The following TRHDE variants were observed in gnomAD, a reference collection of about 807,000 sequenced individuals.
TRHDE encodes the protein thyrotropin releasing hormone degrading enzyme, also known as thyrotropin-releasing hormone-degrading ectoenzyme.
TRHDE carries 72 observed loss-of-function variants against 125.7 expected under a neutral mutation model. That is an observed-to-expected ratio of 0.57 (90% confidence interval 0.47 to 0.70). The LOEUF (loss-of-function observed/expected upper bound fraction) is 0.70. Ranked by LOEUF, TRHDE falls within the 30% of genes least tolerant of loss-of-function variation. The probability of loss-of-function intolerance (pLI) is 0.00; values close to 1 mark genes in which losing one functional copy is unlikely to be tolerated. For missense variants in TRHDE, 1,110 were observed against 1,327.1 expected, an observed-to-expected ratio of 0.84 and a Z score of 2.54; for synonymous variants, 509 against 509.1, an observed-to-expected ratio of 1.00 and a Z score of 0.00.
At chr12:72,616,047 AAAG>A (rs1367315049) in intron 12 of TRHDE, among the ~76,000 whole-genome samples, 10 of 152,174 alleles carry the variant, frequency 6.6e-5, no homozygotes, top group Non-Finnish European at 1.0e-4. Context: ...TAGTTCATTC[AAAG>A]AAGAAGAGAA....
chr12:72,165,128 C>T (rs1401890045), intron 2 of TRHDE, among the ~76,000 whole-genome samples: 3 of 152,190 alleles, frequency 2.0e-5, no homozygotes. Context: ...CCACCAATTC[C>T]CAGATCTGTC....
intron 15 of TRHDE, among the ~76,000 whole-genome samples, chr12:72,632,729 A>T (rs1873548165): frequency 7.6e-6 from 1 of 131,310 alleles, no homozygotes; most frequent in South Asian, 2.2e-4. Flanking sequence ...TTAACATTGG[A>T]CCAAAAAAAA....
intron 2 of TRHDE, among the ~76,000 whole-genome samples, chr12:72,206,834 TATATA>T (rs1877677454): frequency 6.6e-6 from 1 of 151,962 alleles, no homozygotes; most frequent in East Asian, 1.9e-4. Context: ...TAAATACTTA[TATATA>T]ATATGTTTAT....
At position 72,219,826 on chromosome 12, in the gene TRHDE, A is replaced by C. The variant is rs370560162; in HGVS notation, n.279+114074A>C. On this transcript the variant is annotated intron_variant and non_coding_transcript_variant, in intron 2 of 4. Coordinates refer to the TRHDE transcript ENST00000548156. ...CCTGATGTTGGGAATGTAAATATAA[A>C]TAGAACACAGGTACTTCCCCCAAAT... Among the ~76,000 whole-genome samples the C allele has an allele frequency of 2.6e-5, 4 of 152,128 alleles. No individual in the cohort carries two copies. In the East Asian group the frequency reaches 5.8e-4, roughly 22 times the overall value.
At chr12:72,311,805 C>A (rs946885089) in intron 2 of TRHDE, among the ~76,000 whole-genome samples, 2 of 152,126 alleles carry the variant, frequency 1.3e-5, no homozygotes, top group Non-Finnish European at 2.9e-5. Context: ...AATATAAATT[C>A]TTCCTATAAC....
At chr12:72,279,544 A>G (rs548296077) in intron 1 of TRHDE, among the ~76,000 whole-genome samples, 12 of 152,334 alleles carry the variant, frequency 7.9e-5, no homozygotes, top group African/African-American at 2.9e-4. Context: ...TCTCCCACAG[A>G]TAGAATTTTA....
chr12:72,644,837 G>C (rs1020531624), intron 15 of TRHDE, among the ~76,000 whole-genome samples: 9 of 152,174 alleles, frequency 5.9e-5, no homozygotes, highest in Non-Finnish European at 1.0e-4. Flanking sequence ...GATGGGCCTG[G>C]TGCAGGCTAG....
In TRHDE at chr12:72,273,627, A is replaced by AC; in HGVS notation, c.914+74dup. 1 of 1,422,884 alleles carries AC rather than the reference A, an allele frequency of 7.0e-7. No individual in the cohort carries two copies. The highest frequency in any genetic ancestry group is 9.4e-7 in the Non-Finnish European group (1 of 1,058,326). The allele number at this position is 1,422,884 out of a possible 1,614,324, so 88.1% of individuals were successfully genotyped here. A position where few individuals can be genotyped will look rare whatever the true frequency, so the allele number is the denominator to read the frequency against. On this transcript the variant is annotated intron_variant, in intron 1 of 18. Transcript: ENST00000261180. This position sits in a 1 kb window ranked among gnomAD's most constrained non-coding sequence, Gnocchi z 5.3. ...GGCTCGAACCTCTGGGCGGCCTGCG[A>AC]CCCCGGGGACCCAGCTGGCTTCCAA...
chr12:72,402,568 G>T (rs1873088069), intron 3 of TRHDE, among the ~76,000 whole-genome samples: 1 of 151,854 alleles, frequency 6.6e-6, no homozygotes, highest in Non-Finnish European at 1.5e-5. Context: ...TTTTTATATC[G>T]ACACCAGTCA....
At position 72,497,329 on chromosome 12, in the gene TRHDE, C is replaced by A. The variant is rs1226585729; in HGVS notation, c.1585-2169C>A. On this transcript the variant is annotated intron_variant, in intron 5 of 18. Transcript: ENST00000261180. ...AGATTTTATTTTTTAAATTATATAG[C>A]CATTTACTTTATACCATTTAAAAAT... Among the ~76,000 whole-genome samples the A allele has an allele frequency of 2.0e-5, 3 of 151,848 alleles. No individual in the cohort carries two copies. The East Asian group carries it at 5.8e-4, about 29-fold the overall frequency.
intron 15 of TRHDE, among the ~76,000 whole-genome samples, chr12:72,644,378 A>G (rs1211430009): frequency 1.3e-5 from 2 of 152,132 alleles, no homozygotes; most frequent in Admixed American, 1.3e-4. Flanking sequence ...TTGGAACTCT[A>G]AAAAGTCTAG....
intron 2 of TRHDE, among the ~76,000 whole-genome samples, chr12:72,143,614 T>A (rs547038819): frequency 3.9e-5 from 6 of 152,228 alleles, no homozygotes; most frequent in African/African-American, 1.2e-4. Flanking sequence ...TTAAACGGAC[T>A]AAGTAGGCCT....
intron 6 of TRHDE, among the ~76,000 whole-genome samples, chr12:72,532,531 T>C (rs1207080732): frequency 1.3e-5 from 2 of 151,208 alleles, no homozygotes; most frequent in Non-Finnish European, 3.0e-5. Flanking sequence ...AGTGTATTTT[T>C]TAAAGATTGC....
intron 17 of TRHDE, among the ~76,000 whole-genome samples, chr12:72,653,487 A>T (rs1874589415): frequency 6.6e-6 from 1 of 152,124 alleles, no homozygotes; most frequent in East Asian, 1.9e-4. Flanking sequence ...ATGTTATAGA[A>T]ATGATTTATA....
intron 2 of TRHDE, among the ~76,000 whole-genome samples, chr12:72,135,219 C>A (rs1404747132): frequency 1.3e-5 from 2 of 152,204 alleles, no homozygotes; most frequent in Non-Finnish European, 2.9e-5. Flanking sequence ...ATGACCAGGT[C>A]TCCATAGCCT....
At chr12:72,657,090 A>G (rs1874735841) in intron 18 of TRHDE, 82 bp downstream of exon 18, 2 of 873,278 alleles carry the variant, frequency 2.3e-6, no homozygotes, top group Non-Finnish European at 3.8e-6. Context: ...TTTCTTTCCA[A>G]CAGATTCACA....
At chr12:72,611,784 G>A (rs1872642363) in intron 12 of TRHDE, among the ~76,000 whole-genome samples, 1 of 152,072 alleles carries the variant, frequency 6.6e-6, no homozygotes, top group Non-Finnish European at 1.5e-5. Context: ...GCCAGTAAGA[G>A]ATAAAAAGGA....
In TRHDE at chr12:72,563,051, C is replaced by T; in HGVS notation, c.2042+11C>T. On this transcript the variant is annotated intron_variant, in intron 9 of 18. Coordinates refer to ENST00000261180, the MANE Select transcript of TRHDE (RefSeq NM_013381.3). ...ACTTCAGAATAACAGGTATGACATT[C>T]TTTTTTACGTGAAAAATATTGTTTT... The T allele has an allele frequency of 6.5e-7, 1 of 1,534,336 alleles. No individual in the cohort carries two copies. Among genetic ancestry groups the T allele is most frequent in the East Asian group, 2.3e-5 (1 of 42,624 alleles).
chr12:72,597,758 T>TATATATATAC (rs1565804834), intron 12 of TRHDE, among the ~76,000 whole-genome samples: 24 of 20,310 alleles, frequency 1.2e-3, no homozygotes, highest in Admixed American at 3.1e-3. Context: ...TATATATATA[T>TATATATATAC]GCATACACAC....
Sources: allele counts gnomAD v4.1 joint callset (sites outside exome capture counted in the v4.1 genomes callset), GRCh38; gene constraint gnomAD v4.1.1; non-coding constraint Gnocchi (gnomAD v3.1); transcripts MANE v1.5; gene names NCBI Gene and HGNC (gene_info 2026-07-23, HGNC 2026-07-21).